The following RNF14 variants were observed in gnomAD, a reference collection of about 807,000 sequenced individuals.
The protein encoded by RNF14 is ring finger protein 14.
RNF14 carries 26 observed loss-of-function variants against 52.6 expected under a neutral mutation model. That is an observed-to-expected ratio of 0.49 (90% confidence interval 0.36 to 0.69). The LOEUF is 0.69. Ranked by LOEUF, RNF14 falls within the 30% of genes least tolerant of loss-of-function variation. The pLI, the probability that RNF14 is intolerant of heterozygous loss-of-function variation, is 0.00. For synonymous variants in RNF14, 194 were observed against 202.0 expected, an observed-to-expected ratio of 0.96 and a Z score of 0.34; for missense variants, 404 against 560.4, an observed-to-expected ratio of 0.72 and a Z score of 2.82.
At chr5:141,983,191 A>T (rs1754932773) in intron 6 of RNF14, among the ~76,000 whole-genome samples, 189 bp from the exon 7 acceptor site, 1 of 152,152 alleles carries the variant, frequency 6.6e-6, no homozygotes, top group Non-Finnish European at 1.5e-5. Flanking sequence ...AAACATAATT[A>T]TTTCCTTAGA....
In RNF14 at chr5:141,987,885, A is replaced by G; in HGVS notation, c.*95A>G. The G allele has an allele frequency of 8.8e-7, 1 of 1,131,206 alleles. No individual in the cohort carries two copies. The highest frequency in any genetic ancestry group is 2.4e-5 in the East Asian group (1 of 42,480). The allele number at this position is 1,131,206 out of a possible 1,614,324, so 70.1% of individuals were successfully genotyped here. A position where few individuals can be genotyped will look rare whatever the true frequency, so the allele number is the denominator to read the frequency against. On this transcript the variant is annotated 3_prime_UTR_variant, in exon 9 of 9. Transcript: ENST00000394520. ...TTGCGGGATATTTAGGGTACTATTC[A>G]TTCACTCTTCCTGCGTAGAAGATAT... is the stretch of plus-strand genomic sequence containing the variant.
At position 141,989,909 on chromosome 5, in the gene RNF14, T is replaced by A. The variant is rs1407303073; in HGVS notation, c.*2119T>A. ...CATTTTATGTTAAGCTGTTATACAT[T>A]GTTGATGATGTCATAGAAGTAGGAA... is the stretch of plus-strand genomic sequence containing the variant. On this transcript the variant is annotated 3_prime_UTR_variant, in exon 9 of 9. Coordinates refer to ENST00000394520, the MANE Select transcript of RNF14 (RefSeq NM_004290.5). 1 of 152,188 alleles carries A rather than the reference T, an allele frequency of 6.6e-6. No homozygotes were observed. The highest frequency in any genetic ancestry group is 1.5e-5 in the Non-Finnish European group (1 of 68,030). 9.4% of individuals were successfully genotyped at this position (152,188 alleles called of 1,614,324 possible).
At chr5:141,964,173 C>G (rs1031318662), upstream of RNF14, among the ~76,000 whole-genome samples, 5 of 152,130 alleles carry the variant, frequency 3.3e-5, no homozygotes, top group Non-Finnish European at 1.5e-5. Context: ...TTTATATAAC[C>G]CTGGGCTGAC....
In RNF14 at chr5:141,976,516, A is replaced by C. The variant is rs544864360; in HGVS notation, c.306+1561A>C. Among the ~76,000 whole-genome samples, 79 of 152,320 alleles carry C rather than the reference A, an allele frequency of 5.2e-4. 1 individual carries two copies. The South Asian group carries it at 0.015, about 30-fold the overall frequency. On this transcript the variant is annotated intron_variant, in intron 4 of 8. Coordinates refer to ENST00000394520, the MANE Select transcript of RNF14 (RefSeq NM_004290.5). ...AAATAAATGTTTATGCATATAATTA[A>C]CATTTTAATTGGTCTCTTATATTCC... is the stretch of plus-strand genomic sequence containing the variant.
intron 6 of RNF14, among the ~76,000 whole-genome samples, chr5:141,981,864 A>G (rs1006102003): frequency 5.6e-4 from 83 of 147,178 alleles, no homozygotes; most frequent in African/African-American, 2.1e-3. Flanking sequence ...AAAAAAAAAA[A>G]GAGGAAAAAG....
chr5:141,965,599 C>T (rs1753327827), upstream of RNF14, among the ~76,000 whole-genome samples: 1 of 152,210 alleles, frequency 6.6e-6, no homozygotes, highest in Admixed American at 6.5e-5. Flanking sequence ...CTGACAGGCT[C>T]CTGGAGAGAG....
rs1755401557 is a variant in RNF14, at chr5:141,988,169, C to CGTCTT, written c.*379_*380insGTCTT. On this transcript the variant is annotated 3_prime_UTR_variant, in exon 9 of 9. Coordinates refer to ENST00000394520, the MANE Select transcript of RNF14 (RefSeq NM_004290.5). ...GTCTCTGAGAAGCATCCTTCTAAGA[C>CGTCTT]ATTCTGTTGGAGTTCCCTCAGTACT... 5.3e-6 allele frequency: 1 copy of CGTCTT among 188,828 alleles called. No individual in the cohort carries two copies. The highest frequency in any genetic ancestry group is 2.4e-5 in the African/African-American group (1 of 42,440). 11.7% of individuals were successfully genotyped at this position (188,828 alleles called of 1,614,324 possible).
chr5:141,980,066 A>T, intron 5 of RNF14, 57 bp from the exon 6 acceptor site: 1 of 1,395,574 alleles, frequency 7.2e-7, no homozygotes. Flanking sequence ...GAATCGCCTC[A>T]GGTTCAGAAC....
upstream of RNF14, chr5:141,956,546 C>T: frequency 6.2e-7 from 1 of 1,614,198 alleles, no homozygotes; most frequent in Non-Finnish European, 8.5e-7. Context: ...GGCTGGAGTC[C>T]TTGGTCTTGG....
upstream of RNF14, among the ~76,000 whole-genome samples, chr5:141,963,569 G>A (rs924404720): frequency 6.6e-6 from 1 of 152,076 alleles, no homozygotes; most frequent in African/African-American, 2.4e-5. Flanking sequence ...TGTTTTACAC[G>A]AAAGAACCAC....
At chr5:141,964,855 G>T (rs1281309958), upstream of RNF14, among the ~76,000 whole-genome samples, 1 of 149,444 alleles carries the variant, frequency 6.7e-6, no homozygotes, top group African/African-American at 2.5e-5. Flanking sequence ...TCAAACTCCT[G>T]ATCTCAGGTG....
At chr5:141,953,703 CT>C (rs1437718835), upstream of RNF14, among the ~76,000 whole-genome samples, 8 of 152,220 alleles carry the variant, frequency 5.3e-5, no homozygotes, top group Admixed American at 2.0e-4. Flanking sequence ...CAAAAAGCAC[CT>C]GATAAATGGA....
At chr5:141,970,044 T>C (rs971122070) in intron 1 of RNF14, among the ~76,000 whole-genome samples, 2 of 152,248 alleles carry the variant, frequency 1.3e-5, no homozygotes, top group African/African-American at 2.4e-5. Context: ...CTCATTCTTA[T>C]CTCATTTGGG....
intron 6 of RNF14, among the ~76,000 whole-genome samples, chr5:141,982,138 A>T (rs72796060): frequency 0.081 from 12,396 of 152,270 alleles, 558 homozygotes; most frequent in African/African-American, 0.095. Flanking sequence ...TCAGGGAAGA[A>T]ATTGAAGATA....
At chr5:141,983,742 T>G (rs1420181715) in intron 7 of RNF14, among the ~76,000 whole-genome samples, 190 bp downstream of exon 7, 2 of 152,228 alleles carry the variant, frequency 1.3e-5, no homozygotes, top group Non-Finnish European at 2.9e-5. Flanking sequence ...GACTTCCCTT[T>G]TCAAAGTATT....
the RNF14 span, among the ~76,000 whole-genome samples, chr5:141,950,882 A>G: frequency 6.6e-6 from 1 of 152,030 alleles, no homozygotes; most frequent in South Asian, 2.1e-4. Context: ...TGATTATGAA[A>G]TCCTCACCCC....
the RNF14 span, among the ~76,000 whole-genome samples, chr5:141,951,828 T>G: frequency 6.6e-6 from 1 of 152,252 alleles, no homozygotes; most frequent in Non-Finnish European, 1.5e-5. Flanking sequence ...AAGAGGACCC[T>G]CTGGGCCTGT....
upstream of RNF14, chr5:141,966,750 T>C (rs1474510599): frequency 6.6e-6 from 1 of 152,376 alleles, no homozygotes; most frequent in Non-Finnish European, 1.5e-5. Context: ...TGAAATTCTC[T>C]TTCTATTCTC....
At chr5:141,956,342 C>T (rs1753183801), upstream of RNF14, 1 of 1,614,232 alleles carries the variant, frequency 6.2e-7, no homozygotes, top group Middle Eastern at 1.6e-4. Flanking sequence ...AAGTGAGCAA[C>T]TGGGGAGTCC....
Sources: allele counts gnomAD v4.1 joint callset (sites outside exome capture counted in the v4.1 genomes callset), GRCh38; gene constraint gnomAD v4.1.1; transcripts MANE v1.5; gene names NCBI Gene and HGNC (gene_info 2026-07-23, HGNC 2026-07-21).